The following KIF26B variants were observed in gnomAD, a reference collection of about 807,000 sequenced individuals.
The protein encoded by KIF26B is kinesin-like protein KIF26B.
A neutral mutation model predicts 151.2 loss-of-function variants in KIF26B; 63 were observed. The observed-to-expected ratio is 0.42, with a 90% CI of 0.34 to 0.51. The LOEUF is 0.51. KIF26B is among the 20% of genes least tolerant of loss of function. KIF26B has a pLI of 0.07. For synonymous variants in KIF26B, 1,357 were observed against 1,262.1 expected, an observed-to-expected ratio of 1.08 and a Z score of -1.59; for missense variants, 2,813 against 2,913.6, an observed-to-expected ratio of 0.97 and a Z score of 0.79.
At chr1:245,531,628 G>A (rs1403129140) in intron 4 of KIF26B, among the ~76,000 whole-genome samples, 3 of 152,222 alleles carry the variant, frequency 2.0e-5, no homozygotes, top group African/African-American at 7.2e-5. Flanking sequence ...AAGAAGTACT[G>A]TCCTCCAGCA....
chr1:245,321,047 T>A (rs1358492697), intron 2 of KIF26B, among the ~76,000 whole-genome samples: 1 of 152,200 alleles, frequency 6.6e-6, no homozygotes, highest in Non-Finnish European at 1.5e-5. Flanking sequence ...ATTTTTATTG[T>A]CACAAAAGTG....
At chr1:245,245,269 CCAGGTGGTCTA>C (rs1231145060) in intron 2 of KIF26B, among the ~76,000 whole-genome samples, 1 of 152,160 alleles carries the variant, frequency 6.6e-6, no homozygotes, top group African/African-American at 2.4e-5. Context: ...GAGATAGCCA[CCAGGTGGTCTA>C]CTGATGATCA....
Position 245,298,819 on chromosome 1 carries a change from G to A in KIF26B, c.466-68015G>A, listed in dbSNP as rs568803098. Reference sequence around the variant, plus strand: ...CTCTCCAAATCCAGAAAACATCAGGGATGAACAGCCTCCGCTGCCCATGAT... The same window carrying A: ...CTCTCCAAATCCAGAAAACATCAGGAATGAACAGCCTCCGCTGCCCATGAT... On this transcript the variant is annotated intron_variant, in intron 2 of 14. Coordinates refer to ENST00000407071, the MANE Select transcript of KIF26B (RefSeq NM_018012.4). Among the ~76,000 whole-genome samples the A allele has an allele frequency of 2.0e-3, 302 of 152,272 alleles. 2 individuals carry two copies. Among genetic ancestry groups the A allele is most frequent in the Non-Finnish European group, 1.2e-4 (8 of 68,016 alleles).
At chr1:245,485,994 A>G (rs1660272959) in intron 4 of KIF26B, among the ~76,000 whole-genome samples, 1 of 152,216 alleles carries the variant, frequency 6.6e-6, no homozygotes, top group African/African-American at 2.4e-5. Context: ...TGCTATTCTT[A>G]CATATACTGG....
At chr1:245,338,787 C>T (rs1017151348) in intron 2 of KIF26B, among the ~76,000 whole-genome samples, 3 of 152,146 alleles carry the variant, frequency 2.0e-5, no homozygotes, top group African/African-American at 7.2e-5. Context: ...CCTGTACATT[C>T]ACCATCCCCA....
rs1454304846 is a variant in KIF26B, at chr1:245,618,971, TCCA to T, written c.2098+6997_2098+6999del. 8.5e-3 allele frequency among the ~76,000 whole-genome samples: 1,184 copies of T among 138,584 alleles called. 63 individuals are homozygous for T. Among genetic ancestry groups the T allele is most frequent in the African/African-American group, 0.032 (1,105 of 34,990 alleles). The allele number at this position is 138,584 out of a possible 152,430, so 90.9% of individuals were successfully genotyped here. ...AGAGTGCCACAGTCCTGGGGCTGTG[TCCA>T]CTGCATCAGTGTCCAAGCCCTATTA... On this transcript the variant is annotated intron_variant, in intron 9 of 14. Transcript: ENST00000407071.
intron 4 of KIF26B, among the ~76,000 whole-genome samples, chr1:245,429,718 A>C (rs1658733876): frequency 6.6e-6 from 1 of 152,164 alleles, no homozygotes. Context: ...GGTTCAAGCA[A>C]TTCTTCCACC....
intron 3 of KIF26B, among the ~76,000 whole-genome samples, chr1:245,384,430 A>G (rs773623883): frequency 3.3e-5 from 5 of 152,192 alleles, no homozygotes; most frequent in Non-Finnish European, 7.3e-5. Context: ...TTAGTTAGTT[A>G]ATTAATTCAT....
chr1:245,497,077 C>G (rs1315689587), intron 4 of KIF26B, among the ~76,000 whole-genome samples: 1 of 150,500 alleles, frequency 6.6e-6, no homozygotes, highest in East Asian at 1.9e-4. Flanking sequence ...TGCTTGAACC[C>G]TGGGGGTGGA....
rs952807063 is a variant in KIF26B at position 245,560,778 on chromosome 1, C to T, written c.1350+19828C>T. Among the ~76,000 whole-genome samples the T allele has an allele frequency of 1.3e-5, 2 of 152,194 alleles. No homozygotes were observed. Among genetic ancestry groups the T allele is most frequent in the South Asian group, 2.1e-4 (1 of 4,834 alleles). ...CCACTGAAGACTCCCCTCCGCTCCT[C>T]GCACTCTCATCACTGCCCCTCACTC... On this transcript the variant is annotated intron_variant, in intron 5 of 14. Coordinates refer to ENST00000407071, the MANE Select transcript of KIF26B (RefSeq NM_018012.4). This position sits in a 1 kb window ranked among gnomAD's most constrained non-coding sequence, Gnocchi z 4.3.
chr1:245,261,059 T>C (rs9727880), intron 2 of KIF26B, among the ~76,000 whole-genome samples: 3 of 151,018 alleles, frequency 2.0e-5, no homozygotes, highest in Non-Finnish European at 4.4e-5. Context: ...TCTCTCTCTC[T>C]CTCCTTCCTT....
intron 10 of KIF26B, among the ~76,000 whole-genome samples, chr1:245,654,927 C>T (rs376534625): frequency 6.6e-5 from 10 of 152,312 alleles, no homozygotes; most frequent in East Asian, 1.9e-4. Flanking sequence ...AGTGAGATCA[C>T]GAGCTTTTCC....
chr1:245,444,348 G>C (rs1450137954), intron 4 of KIF26B, among the ~76,000 whole-genome samples: 1 of 152,256 alleles, frequency 6.6e-6, no homozygotes, highest in African/African-American at 2.4e-5. Flanking sequence ...CTTTGAGAAA[G>C]AGGCTGACTG....
intron 4 of KIF26B, among the ~76,000 whole-genome samples, chr1:245,432,744 C>G (rs997642238): frequency 6.6e-6 from 1 of 152,146 alleles, no homozygotes; most frequent in African/African-American, 2.4e-5. Flanking sequence ...TTATGAATCA[C>G]ACGGTTGATG....
chr1:245,251,203 A>C (rs1220885946), intron 2 of KIF26B, among the ~76,000 whole-genome samples: 1 of 152,222 alleles, frequency 6.6e-6, no homozygotes, highest in Non-Finnish European at 1.5e-5. Flanking sequence ...GAAGGTAAGC[A>C]GGTGTTTAGC....
chr1:245,326,311 A>G (rs1007243215), intron 2 of KIF26B, among the ~76,000 whole-genome samples: 2 of 152,168 alleles, frequency 1.3e-5, no homozygotes, highest in African/African-American at 4.8e-5. Context: ...CAACAGAAAC[A>G]GCATTAACAT....
At chr1:245,364,971 G>A (rs573339779) in intron 2 of KIF26B, among the ~76,000 whole-genome samples, 2 of 152,340 alleles carry the variant, frequency 1.3e-5, no homozygotes, top group Admixed American at 6.5e-5. Context: ...GAACCCTTCT[G>A]TGTCCGTGGG....
intron 4 of KIF26B, among the ~76,000 whole-genome samples, chr1:245,481,940 T>G (rs10924209): frequency 0.27 from 40,940 of 151,148 alleles, 7,061 homozygotes; most frequent in African/African-American, 0.46. Flanking sequence ...TCTTCTTGGC[T>G]CTGTGTGTAC....
At chr1:245,306,315 A>C (rs751428973) in intron 2 of KIF26B, among the ~76,000 whole-genome samples, 7 of 152,220 alleles carry the variant, frequency 4.6e-5, no homozygotes, top group Non-Finnish European at 7.3e-5. Context: ...CTTTGATATA[A>C]AGTGTCTAGA....
Sources: allele counts gnomAD v4.1 joint callset (sites outside exome capture counted in the v4.1 genomes callset), GRCh38; gene constraint gnomAD v4.1.1; non-coding constraint Gnocchi (gnomAD v3.1); transcripts MANE v1.5; gene names NCBI Gene and HGNC (gene_info 2026-07-23, HGNC 2026-07-21).